The following ITGA1 variants were observed in gnomAD, a reference collection of about 807,000 sequenced individuals.
The protein encoded by ITGA1 is integrin subunit alpha 1.
In ITGA1, 85 loss-of-function variants were observed where a neutral mutation model predicts 145.9. The ratio of observed to expected loss-of-function variants is 0.58; its 90% confidence interval spans 0.49 to 0.70. The LOEUF (loss-of-function observed/expected upper bound fraction) is 0.70. Among genes scored for constraint, ITGA1 ranks in the 30% least tolerant of loss-of-function variants. ITGA1 has a pLI of 0.00. For missense variants in ITGA1, 1,351 were observed against 1,418.7 expected (o/e 0.95, Z 0.77); for synonymous variants, 520 against 495.3 (o/e 1.05, Z -0.66).
chr5:52,837,240 T>C (rs1190553135), intron 1 of ITGA1, among the ~76,000 whole-genome samples: 2 of 152,114 alleles, frequency 1.3e-5, no homozygotes, highest in African/African-American at 4.8e-5. Flanking sequence ...AGCCTGACAC[T>C]GGACGAACAA....
intron 14 of ITGA1, among the ~76,000 whole-genome samples, chr5:52,911,881 CTA>C (rs1452423905): frequency 8.0e-6 from 1 of 125,572 alleles, no homozygotes; most frequent in African/African-American, 3.0e-5. Flanking sequence ...TATAGATACA[CTA>C]TATATAGCAT....
intron 27 of ITGA1, 49 bp downstream of exon 27, chr5:52,945,084 T>C: frequency 7.3e-7 from 1 of 1,365,298 alleles, no homozygotes; most frequent in Non-Finnish European, 1.0e-6. Context: ...ACTCTGAATT[T>C]TGTGACATAA....
At position 52,893,257 on chromosome 5, in the gene ITGA1, T is replaced by C. The variant is rs906028348; in HGVS notation, c.925-418T>C. 5.3e-5 allele frequency among the ~76,000 whole-genome samples: 8 copies of C among 152,144 alleles called. No individual in the cohort carries two copies. In the East Asian group the frequency reaches 1.2e-3, roughly 22 times the overall value. ...GCCTTGGTAATAGTTTCAGGAAGAA[T>C]TGCTCATTCAAAAGCAGGCAACTCA... On this transcript the variant is annotated intron_variant, in intron 8 of 28. Coordinates refer to ENST00000282588, the MANE Select transcript of ITGA1 (RefSeq NM_181501.2).
intron 1 of ITGA1, among the ~76,000 whole-genome samples, chr5:52,820,216 C>T (rs920730069): frequency 6.6e-6 from 1 of 151,718 alleles, no homozygotes; most frequent in Non-Finnish European, 1.5e-5. Context: ...AGTTCATGTC[C>T]TTTGTAGGGA....
intron 1 of ITGA1, among the ~76,000 whole-genome samples, chr5:52,839,848 G>A (rs1749225106): frequency 6.6e-6 from 1 of 152,108 alleles, no homozygotes; most frequent in Admixed American, 6.6e-5. Context: ...ACTGTCCCTA[G>A]GTGAAGCAAT....
At chr5:52,851,476 T>G (rs563911137) in intron 2 of ITGA1, among the ~76,000 whole-genome samples, 2 of 152,308 alleles carry the variant, frequency 1.3e-5, no homozygotes, top group African/African-American at 4.8e-5. Flanking sequence ...AAATCAGGCC[T>G]GAATGAAGCC....
intron 2 of ITGA1, among the ~76,000 whole-genome samples, chr5:52,857,600 T>G (rs1029302938): frequency 6.6e-6 from 1 of 152,188 alleles, no homozygotes; most frequent in Non-Finnish European, 1.5e-5. Flanking sequence ...GTTTCCTTCT[T>G]TGGTTTCTGT....
intron 1 of ITGA1, among the ~76,000 whole-genome samples, chr5:52,847,867 C>G (rs892090069): frequency 6.6e-6 from 1 of 152,144 alleles, no homozygotes; most frequent in Non-Finnish European, 1.5e-5. Context: ...TTCTTAGTTA[C>G]ATCTAGGAGA....
chr5:52,844,284 C>T (rs1749300958), intron 1 of ITGA1, among the ~76,000 whole-genome samples: 1 of 152,140 alleles, frequency 6.6e-6, no homozygotes, highest in South Asian at 2.1e-4. Context: ...TCAGACTTTC[C>T]AGTCATTCCC....
At chr5:52,945,775 G>T (rs1013502133) in intron 27 of ITGA1, among the ~76,000 whole-genome samples, 2 of 152,144 alleles carry the variant, frequency 1.3e-5, no homozygotes, top group South Asian at 4.1e-4. Flanking sequence ...CTAACTTTCA[G>T]ATGTTCTTTT....
chr5:52,937,691 CA>C (rs1162872810), intron 24 of ITGA1, among the ~76,000 whole-genome samples, 177 bp downstream of exon 24: 1 of 152,176 alleles, frequency 6.6e-6, no homozygotes, highest in African/African-American at 2.4e-5. Flanking sequence ...GCTGCTGTAA[CA>C]AATTATCACA....
At chr5:52,937,263 C>G (rs764069741) in intron 23 of ITGA1, 138 bp from the exon 24 acceptor site, 99 of 650,692 alleles carry the variant, frequency 1.5e-4, no homozygotes, top group Middle Eastern at 8.0e-4. Flanking sequence ...TGTACAGCAC[C>G]ATAAAGGATC....
chr5:52,872,645 G>A lies in ITGA1; in HGVS notation c.624+6828G>A, dbSNP rs1298548840. On this transcript the variant is annotated intron_variant, in intron 6 of 28. Transcript: ENST00000282588. ...CCGATCTCAGCTCACTGCAACCTCC[G>A]CCTCCCGGGTTCAAGCTATTCTCCT... Among the ~76,000 whole-genome samples, 4 of 137,024 alleles carry A rather than the reference G, an allele frequency of 2.9e-5. No individual in the cohort carries two copies. In the East Asian group the frequency reaches 7.2e-4, roughly 25 times the overall value. 89.9% of individuals were successfully genotyped at this position (137,024 alleles called of 152,430 possible).
chr5:52,870,230 G>T (rs985471418), intron 6 of ITGA1, among the ~76,000 whole-genome samples: 4 of 152,130 alleles, frequency 2.6e-5, no homozygotes, highest in South Asian at 2.1e-4. Flanking sequence ...TTCTTTTAAT[G>T]AAAGCATTCA....
At chr5:52,891,154 A>G (rs747841641) in intron 8 of ITGA1, among the ~76,000 whole-genome samples, 84 of 151,872 alleles carry the variant, frequency 5.5e-4, no homozygotes, top group Non-Finnish European at 1.1e-3. Flanking sequence ...GGTTAATTCT[A>G]TATCTTGTCT....
intron 1 of ITGA1, among the ~76,000 whole-genome samples, chr5:52,828,017 G>T (rs760944140): frequency 6.6e-6 from 1 of 152,038 alleles, no homozygotes; most frequent in Middle Eastern, 3.2e-3. Flanking sequence ...TCTATTGTAT[G>T]GATATACCAC....
chr5:52,928,257 A>ACATAACAT (rs1426693142), intron 20 of ITGA1, among the ~76,000 whole-genome samples: 1 of 152,200 alleles, frequency 6.6e-6, no homozygotes, highest in Non-Finnish European at 1.5e-5. Context: ...AATTTATACT[A>ACATAACAT]CATAACATAT....
rs769118291 is a variant in ITGA1 at position 52,881,971 on chromosome 5, C to G, written c.723C>G (p.Val241=). The part of the protein sequence containing the change: ...EEVLVAAKKI[V]QRGGRQTMTA... Reference sequence around the variant, plus strand: ...TACTTGTTGCAGCAAAGAAAATAGTCCAGAGAGGTGGCCGCCAGACTATGA... The same window carrying G: ...TACTTGTTGCAGCAAAGAAAATAGTGCAGAGAGGTGGCCGCCAGACTATGA... Residue 241 remains valine, a synonymous_variant, in exon 7 of 29, where the codon GTC becomes GTG. Transcript: ENST00000282588. The G allele has an allele frequency of 1.2e-6, 2 of 1,613,474 alleles. No homozygotes were observed. The highest frequency in any genetic ancestry group is 1.7e-6 in the Non-Finnish European group (2 of 1,179,712).
rs1750867660 is a variant in ITGA1 at position 52,929,712 on chromosome 5, A to G, written c.2771+11A>G. On this transcript the variant is annotated intron_variant, in intron 21 of 28. Coordinates refer to ENST00000282588, the MANE Select transcript of ITGA1 (RefSeq NM_181501.2). ...TTTAAGTGCAACAAGGTTGGTTTACATGTGTATAAATGTATGTATATGAAT... is the reference window on the plus strand; with the variant it reads ...TTTAAGTGCAACAAGGTTGGTTTACGTGTGTATAAATGTATGTATATGAAT... The G allele has an allele frequency of 1.4e-6, 2 of 1,402,738 alleles. No individual in the cohort carries two copies. Among genetic ancestry groups the G allele is most frequent in the Non-Finnish European group, 2.0e-6 (2 of 996,284 alleles). The allele number at this position is 1,402,738 out of a possible 1,614,324, so 86.9% of individuals were successfully genotyped here.
Sources: allele counts gnomAD v4.1 joint callset (sites outside exome capture counted in the v4.1 genomes callset), GRCh38; gene constraint gnomAD v4.1.1; transcripts MANE v1.5; gene names NCBI Gene and HGNC (gene_info 2026-07-23, HGNC 2026-07-21).